Variants in GRP observed in about 807,000 individuals in gnomAD.
GRP encodes the protein gastrin-releasing peptide.
Under a neutral mutation model 12.7 loss-of-function variants are expected in GRP, and 11 were observed. The observed-to-expected ratio is 0.87, with a 90% CI of 0.55 to 1.44. The LOEUF (loss-of-function observed/expected upper bound fraction) is 1.44. GRP is among the 40% of genes most tolerant of loss of function. The probability of loss-of-function intolerance (pLI) is 0.00; values close to 1 mark genes in which losing one functional copy is unlikely to be tolerated. For synonymous variants in GRP, 84 were observed against 77.7 expected (o/e 1.08, Z -0.43); for missense variants, 212 against 185.4 (o/e 1.14, Z -0.83).
chr18:59,230,284 C>T, intron 2 of GRP, 120 bp from the exon 3 acceptor site: 1 of 691,274 alleles, frequency 1.4e-6, no homozygotes, highest in South Asian at 1.6e-5. Context: ...TAGGCTGAAC[C>T]AAGAATTTGC....
intron 2 of GRP, among the ~76,000 whole-genome samples, chr18:59,229,683 C>G (rs2069999513): frequency 6.6e-6 from 1 of 152,166 alleles, no homozygotes; most frequent in Non-Finnish European, 1.5e-5. Flanking sequence ...AGCTCTTAGT[C>G]TCAACAAAAA....
chr18:59,223,980 A>G (rs991244918), intron 1 of GRP, among the ~76,000 whole-genome samples: 7 of 152,218 alleles, frequency 4.6e-5, no homozygotes, highest in African/African-American at 1.7e-4. Context: ...ACCTGATTTT[A>G]ATGCTCCTTA....
upstream of GRP, among the ~76,000 whole-genome samples, chr18:59,219,642 G>T (rs914169973): frequency 5.9e-5 from 9 of 151,970 alleles, no homozygotes; most frequent in African/African-American, 9.7e-5. Flanking sequence ...AGGAGGCAAG[G>T]TTCCAAAATC....
Position 59,220,250 on chromosome 18 carries a change from GCT to G in GRP, c.-15_-14del. On this transcript the variant is annotated 5_prime_UTR_variant, in exon 1 of 3. Coordinates refer to ENST00000256857, the MANE Select transcript of GRP (RefSeq NM_002091.5). The stretch of plus-strand genomic sequence containing the variant: ...CCAGCCTCTCCGGCGCGCTCCAAGG[GCT>G]TCCCGTCGGGACCATGCGCGGCCGT... The G allele has an allele frequency of 6.7e-7, 1 of 1,486,558 alleles. No individual in the cohort carries two copies. Among genetic ancestry groups the G allele is most frequent in the Non-Finnish European group, 8.9e-7 (1 of 1,122,818 alleles). The allele number at this position is 1,486,558 out of a possible 1,614,324, so 92.1% of individuals were successfully genotyped here.
chr18:59,229,739 G>T (rs1434483375), intron 2 of GRP, among the ~76,000 whole-genome samples: 1 of 152,152 alleles, frequency 6.6e-6, no homozygotes, highest in African/African-American at 2.4e-5. Flanking sequence ...TGGGAACAAA[G>T]AAGTATTTTA....
At chr18:59,223,341 ACTGGAC>A (rs2069865334) in intron 1 of GRP, among the ~76,000 whole-genome samples, 1 of 152,302 alleles carries the variant, frequency 6.6e-6, no homozygotes, top group Admixed American at 6.5e-5. Context: ...CAAAAGCAAA[ACTGGAC>A]CCAGGGAATG....
upstream of GRP, chr18:59,220,097 A>C: frequency 7.4e-6 from 3 of 404,462 alleles, no homozygotes; most frequent in East Asian, 5.1e-5. Context: ...CCGCGATAGA[A>C]GAGCCCCCCA....
At chr18:59,220,094 A>C, upstream of GRP, 12 of 401,404 alleles carry the variant, frequency 3.0e-5, no homozygotes, top group Non-Finnish European at 2.6e-5. Flanking sequence ...GGTCCGCGAT[A>C]GAAGAGCCCC....
chr18:59,220,349 G>A lies in GRP; in HGVS notation c.84G>A (p.Ala28=). The change falls in exon 1 of 3, where the codon GCG becomes GCA. Residue 28 remains alanine, a synonymous_variant. Coordinates refer to ENST00000256857, the MANE Select transcript of GRP (RefSeq NM_002091.5). ...GGGGGCGAGCGGTCCCGCTGCCTGC[G>A]GGCGGAGGGACCGTGCTGACCAAGA... is the stretch of plus-strand genomic sequence containing the variant. ...APRGRAVPLP[A]GGGTVLTKMY... is the part of the protein sequence containing the mutation. 3 of 1,481,140 alleles carry A rather than the reference G, an allele frequency of 2.0e-6. No homozygotes were observed. The highest frequency in any genetic ancestry group is 1.5e-5 in the African/African-American group (1 of 68,806). The allele number at this position is 1,481,140 out of a possible 1,614,324, so 91.7% of individuals were successfully genotyped here.
At chr18:59,223,959 C>A (rs1314737119) in intron 1 of GRP, among the ~76,000 whole-genome samples, 1 of 152,174 alleles carries the variant, frequency 6.6e-6, no homozygotes, top group South Asian at 2.1e-4. Context: ...GCTCACACTG[C>A]AATGCAGTAA....
At chr18:59,221,768 G>A (rs781186393) in intron 1 of GRP, among the ~76,000 whole-genome samples, 13 of 152,138 alleles carry the variant, frequency 8.5e-5, no homozygotes, top group Admixed American at 2.0e-4. Context: ...TCCTCAGCTC[G>A]TCTGTGTCGT....
At chr18:59,222,261 C>A (rs966160362) in intron 1 of GRP, among the ~76,000 whole-genome samples, 3 of 152,222 alleles carry the variant, frequency 2.0e-5, no homozygotes, top group African/African-American at 7.2e-5. Flanking sequence ...TCAAGCCAAT[C>A]TTGATTTGCT....
In GRP at chr18:59,230,485, CA is replaced by C. The variant is rs2070016449; in HGVS notation, c.*21del. On this transcript the variant is annotated 3_prime_UTR_variant, in exon 3 of 3. Coordinates refer to ENST00000256857, the MANE Select transcript of GRP (RefSeq NM_002091.5). The stretch of plus-strand genomic sequence containing the variant: ...CAGCAATGATAATGATGGCCTCTCT[CA>C]AAAGAGAAAAACAAAACCCCTAAGA... The C allele has an allele frequency of 1.3e-6, 2 of 1,494,654 alleles. No homozygotes were observed. Among genetic ancestry groups the C allele is most frequent in the Non-Finnish European group, 1.9e-6 (2 of 1,070,948 alleles). The allele number at this position is 1,494,654 out of a possible 1,614,324, so 92.6% of individuals were successfully genotyped here. A position where few individuals can be genotyped will look rare whatever the true frequency, so the allele number is the denominator to read the frequency against.
rs377757983 is a variant in GRP at position 59,224,573 on chromosome 18, T to C, written c.140-919T>C. On this transcript the variant is annotated intron_variant, in intron 1 of 2. Transcript: ENST00000256857. ...AGTCCAACTACAGAGAGAGGAAAAATCAACTGTAAGAAATAGAGAACATGA... is the reference window on the plus strand; with the variant it reads ...AGTCCAACTACAGAGAGAGGAAAAACCAACTGTAAGAAATAGAGAACATGA... Among the ~76,000 whole-genome samples, 26 of 152,172 alleles carry C rather than the reference T, an allele frequency of 1.7e-4. No homozygotes were observed. In the South Asian group the frequency reaches 5.2e-3, roughly 30 times the overall value.
At chr18:59,220,109 C>T (rs1568081442), upstream of GRP, 6 of 320,626 alleles carry the variant, frequency 1.9e-5, no homozygotes, top group Non-Finnish European at 2.3e-5. Context: ...AGCCCCCCAG[C>T]CCCCCCGCCC....
intron 1 of GRP, among the ~76,000 whole-genome samples, chr18:59,222,683 A>G (rs2069853973): frequency 6.6e-6 from 1 of 152,226 alleles, no homozygotes; most frequent in African/African-American, 2.4e-5. Flanking sequence ...TATAAAACCA[A>G]AGCTACATGC....
chr18:59,222,767 G>A (rs887059036), intron 1 of GRP, among the ~76,000 whole-genome samples: 4 of 152,180 alleles, frequency 2.6e-5, no homozygotes, highest in Admixed American at 6.5e-5. Context: ...GCTGAGAGAA[G>A]CATGGTGCAG....
intron 1 of GRP, among the ~76,000 whole-genome samples, chr18:59,222,878 C>A (rs564037344): frequency 2.0e-5 from 3 of 152,324 alleles, no homozygotes; most frequent in Admixed American, 6.5e-5. Flanking sequence ...TATGACAACA[C>A]TTATACTGGC....
At chr18:59,229,100 A>G (rs2069989207) in intron 2 of GRP, among the ~76,000 whole-genome samples, 1 of 152,220 alleles carries the variant, frequency 6.6e-6, no homozygotes, top group Admixed American at 6.5e-5. Context: ...CTCCAAAGGA[A>G]GTGCCAAATA....
Sources: gnomAD v4.1 joint callset for allele counts (sites outside exome capture counted in the v4.1 genomes callset) on GRCh38, gnomAD v4.1.1 for gene constraint, MANE v1.5 for transcripts, NCBI Gene and HGNC (gene_info 2026-07-23, HGNC 2026-07-21) for gene names.